KCNQ1: variants seen among roughly 807,000 people sequenced by gnomAD.
KCNQ1 encodes potassium voltage-gated channel subfamily KQT member 1.
Under a neutral mutation model 72.4 loss-of-function variants are expected in KCNQ1, and 49 were observed. That is an observed-to-expected ratio of 0.68 (90% CI 0.54 to 0.86). The LOEUF (loss-of-function observed/expected upper bound fraction) is 0.86. KCNQ1 is among the 40% of genes least tolerant of loss of function. The probability of loss-of-function intolerance (pLI) is 0.00; values close to 1 mark genes in which losing one functional copy is unlikely to be tolerated. For missense variants in KCNQ1, 790 were observed against 945.1 expected, an observed-to-expected ratio of 0.84 and a Z score of 2.15; for synonymous variants, 450 against 412.6, an observed-to-expected ratio of 1.09 and a Z score of -1.10.
At chr11:2,496,516 T>TTTTTTTTTTTTTTTTC (rs1846923008) in intron 1 of KCNQ1, among the ~76,000 whole-genome samples, 1 of 129,554 alleles carries the variant, frequency 7.7e-6, no homozygotes, top group Non-Finnish European at 1.6e-5. Flanking sequence ...TTTTTTTTTT[T>TTTTTTTTTTTTTTTTC]TTTTGCTTTC....
At chr11:2,465,672 G>A (rs996441141) in intron 1 of KCNQ1, among the ~76,000 whole-genome samples, 2 of 152,174 alleles carry the variant, frequency 1.3e-5, no homozygotes, top group East Asian at 1.9e-4. Context: ...AGGGGTGGGC[G>A]CCGAGCTCTG....
At chr11:2,583,001 G>A (rs572281620) in intron 6 of KCNQ1, among the ~76,000 whole-genome samples, 35 of 152,254 alleles carry the variant, frequency 2.3e-4, no homozygotes, top group African/African-American at 6.7e-4. Context: ...AGGAAGCAGC[G>A]CGTCATCCCA....
In KCNQ1 at chr11:2,709,226, C is replaced by CG. The variant is rs1850963854; in HGVS notation, c.1514+47145_1514+47146insG. Among the ~76,000 whole-genome samples, 4 of 138,348 alleles carry CG rather than the reference C, an allele frequency of 2.9e-5. No homozygotes were observed. In the South Asian group the frequency reaches 1.2e-3, roughly 41 times the overall value. The allele number at this position is 138,348 out of a possible 152,430, so 90.8% of individuals were successfully genotyped here. On this transcript the variant is annotated intron_variant, in intron 11 of 15. Coordinates refer to ENST00000155840, the MANE Select transcript of KCNQ1 (RefSeq NM_000218.3). The stretch of plus-strand genomic sequence containing the variant: ...TCTCCTGCACGGCTTCCAGGCCCCC[C>CG]CCACCCCCACCCCCCAGCCCCAGCT...
intron 2 of KCNQ1, 48 bp downstream of exon 2, chr11:2,528,066 G>A (rs1478511029): frequency 2.7e-6 from 4 of 1,492,858 alleles, no homozygotes; most frequent in East Asian, 2.3e-5. Flanking sequence ...TGCCTTGGAA[G>A]CTGGCATCTC....
At position 2,698,765 on chromosome 11, in the gene KCNQ1, A is replaced by G. The variant is rs188890355; in HGVS notation, c.1514+36684A>G. 1.3e-4 allele frequency: 50 copies of G among 398,004 alleles called. No individual in the cohort carries two copies. Among genetic ancestry groups the G allele is most frequent in the African/African-American group, 8.9e-4 (43 of 48,268 alleles). 24.7% of individuals were successfully genotyped at this position (398,004 alleles called of 1,614,324 possible). ...ATCTCAACTCAGAGCCATGATGCAG[A>G]CTCCAGACCGGGATTCAGGTCCCCA... On this transcript the variant is annotated intron_variant, in intron 11 of 15. Coordinates refer to ENST00000155840, the MANE Select transcript of KCNQ1 (RefSeq NM_000218.3). This position sits in a 1 kb window ranked among gnomAD's most constrained non-coding sequence, Gnocchi z 5.1.
At position 2,642,711 on chromosome 11, in the gene KCNQ1, G is replaced by A; in HGVS notation, c.1394-19250G>A. The A allele has an allele frequency of 2.5e-6, 1 of 397,620 alleles. No individual in the cohort carries two copies. Among genetic ancestry groups the A allele is most frequent in the Non-Finnish European group, 4.4e-6 (1 of 225,598 alleles). The allele number at this position is 397,620 out of a possible 1,614,324, so 24.6% of individuals were successfully genotyped here. A position where few individuals can be genotyped will look rare whatever the true frequency, so the allele number is the denominator to read the frequency against. ...TTTCCTTCTACTAATTTTATGTTTA[G>A]TATGGTTTGTTCTTGCTTTTCTGGT... On this transcript the variant is annotated intron_variant, in intron 10 of 15. Coordinates refer to ENST00000155840, the MANE Select transcript of KCNQ1 (RefSeq NM_000218.3). The surrounding 1 kb of genome is among the most constrained non-coding windows in gnomAD (Gnocchi z 4.3).
intron 1 of KCNQ1, among the ~76,000 whole-genome samples, chr11:2,504,713 C>T (rs534782881): frequency 6.5e-4 from 99 of 152,220 alleles, no homozygotes; most frequent in African/African-American, 2.1e-3. Context: ...GCTGAGATCG[C>T]GCCACTGCAC....
chr11:2,802,993 C>G (rs1469374351), intron 15 of KCNQ1, among the ~76,000 whole-genome samples: 1 of 152,202 alleles, frequency 6.6e-6, no homozygotes, highest in Non-Finnish European at 1.5e-5. Context: ...AGCTCCACTT[C>G]GCCACCCAGA....
intron 13 of KCNQ1, 67 bp from the exon 14 acceptor site, chr11:2,776,919 C>T (rs1363227677): frequency 9.4e-6 from 14 of 1,494,032 alleles, no homozygotes; most frequent in South Asian, 3.4e-5. Context: ...GTCTGTCCCA[C>T]AGACGACAGT....
chr11:2,499,226 G>A (rs924779440), intron 1 of KCNQ1, among the ~76,000 whole-genome samples: 1 of 152,176 alleles, frequency 6.6e-6, no homozygotes, highest in Admixed American at 6.5e-5. Context: ...TATGCAATTA[G>A]TGTTAAGTCA....
intron 10 of KCNQ1, chr11:2,630,511 C>G: frequency 2.5e-6 from 1 of 398,220 alleles, no homozygotes; most frequent in East Asian, 3.6e-5. Flanking sequence ...TTTGATGCCC[C>G]AAGGTACACC....
intron 10 of KCNQ1, chr11:2,640,443 G>A (rs973862527): frequency 2.5e-6 from 1 of 398,360 alleles, no homozygotes; most frequent in African/African-American, 2.1e-5. Context: ...GCACCACCAT[G>A]CCTGGATAAC....
chr11:2,495,978 C>A lies in KCNQ1; in HGVS notation c.387-31950C>A, dbSNP rs138858562. 1.1e-3 allele frequency among the ~76,000 whole-genome samples: 160 copies of A among 152,270 alleles called. 1 individual carries two copies. Among genetic ancestry groups the A allele is most frequent in the African/African-American group, 3.7e-3 (152 of 41,552 alleles). ...TGTTATTGAGTAGGAATATAAGTCT[C>A]TTTGTAGGTCTCTAAGAACTTGTTT... On this transcript the variant is annotated intron_variant, in intron 1 of 15. Coordinates refer to ENST00000155840, the MANE Select transcript of KCNQ1 (RefSeq NM_000218.3). The surrounding 1 kb of genome is among the most constrained non-coding windows in gnomAD (Gnocchi z 4.6).
At chr11:2,811,223 C>G (rs772608292) in intron 15 of KCNQ1, among the ~76,000 whole-genome samples, 41 of 152,216 alleles carry the variant, frequency 2.7e-4, no homozygotes, top group African/African-American at 9.7e-4. Context: ...GGTGGGAATC[C>G]GTCCCCACGA....
chr11:2,699,994 T>A (rs1289816849), intron 11 of KCNQ1: 3 of 398,156 alleles, frequency 7.5e-6, no homozygotes, highest in African/African-American at 2.1e-5. Flanking sequence ...GCGACCGTTC[T>A]GCCTGGAGAC....
At position 2,482,408 on chromosome 11, in the gene KCNQ1, C is replaced by T. The variant is rs56403720; in HGVS notation, c.386+36924C>T. Among the ~76,000 whole-genome samples the T allele has an allele frequency of 0.03, 4,532 of 152,218 alleles. 228 individuals carry two copies. The highest frequency in any genetic ancestry group is 0.1 in the African/African-American group (4,289 of 41,508). On this transcript the variant is annotated intron_variant, in intron 1 of 15. Coordinates refer to ENST00000155840, the MANE Select transcript of KCNQ1 (RefSeq NM_000218.3). This position sits in a 1 kb window ranked among gnomAD's most constrained non-coding sequence, Gnocchi z 5.7. ...TTGAACGTAATCAACTCTCTATTGA[C>T]GGCTGGGTTATTTCCTAATTGACTG...
chr11:2,522,041 C>T (rs958637062), intron 1 of KCNQ1, among the ~76,000 whole-genome samples: 25 of 152,364 alleles, frequency 1.6e-4, no homozygotes, highest in Non-Finnish European at 2.2e-4. Flanking sequence ...CCTGTGTTCC[C>T]GGGCACCCGG....
intron 11 of KCNQ1, among the ~76,000 whole-genome samples, chr11:2,763,188 C>G (rs1236780917): frequency 2.6e-5 from 4 of 151,924 alleles, no homozygotes; most frequent in Non-Finnish European, 5.9e-5. Context: ...ATACTATATC[C>G]CCAAGTCAAG....
intron 1 of KCNQ1, among the ~76,000 whole-genome samples, chr11:2,519,591 G>A (rs910852858): frequency 1.3e-5 from 2 of 151,776 alleles, no homozygotes; most frequent in African/African-American, 2.4e-5. Flanking sequence ...CTGTCCTCCA[G>A]CCTGGGTGAC....
Sources: gnomAD v4.1 joint callset for allele counts (sites outside exome capture counted in the v4.1 genomes callset) on GRCh38, gnomAD v4.1.1 for gene constraint, Gnocchi (gnomAD v3.1) non-coding constraint, MANE v1.5 for transcripts, NCBI Gene and HGNC (gene_info 2026-07-23, HGNC 2026-07-21) for gene names.